Variants in SMYD5 observed in about 807,000 individuals in gnomAD.
SMYD5 encodes SMYD family member 5.
A neutral mutation model predicts 57.4 loss-of-function variants in SMYD5; 35 were observed. The ratio of observed to expected loss-of-function variants is 0.61; its 90% CI spans 0.47 to 0.81. The LOEUF (loss-of-function observed/expected upper bound fraction) is 0.81, where lower values mean the gene tolerates loss of function less well. Among genes scored for constraint, SMYD5 ranks in the 30% least tolerant of loss-of-function variants. The pLI is 0.00. For missense variants in SMYD5, 471 were observed against 527.9 expected (o/e 0.89, Z 1.06); for synonymous variants, 198 against 189.7 (o/e 1.04, Z -0.36).
chr2:73,216,494 C>G (rs188214310), intron 1 of SMYD5, among the ~76,000 whole-genome samples: 2 of 151,852 alleles, frequency 1.3e-5, no homozygotes, highest in African/African-American at 4.8e-5. Context: ...GTCAGGAGTT[C>G]GAGACCAGCC....
At chr2:73,223,646 C>T (rs1686447391) in intron 9 of SMYD5, 114 bp downstream of exon 9, 3 of 780,476 alleles carry the variant, frequency 3.8e-6, no homozygotes, top group African/African-American at 3.4e-5. Context: ...AAGGTAATCC[C>T]TTTGTGCCTG....
chr2:73,226,147 G>A lies in SMYD5; in HGVS notation c.*201G>A. On this transcript the variant is annotated 3_prime_UTR_variant, in exon 13 of 13. Transcript: ENST00000389501. ...CTCATGCCCTGGACACTGCTGCTGA[G>A]TTGGCTCAGACTCTGCACTGGCACT... 1.4e-6 allele frequency: 1 copy of A among 696,808 alleles called. No individual in the cohort carries two copies. The highest frequency in any genetic ancestry group is 2.3e-6 in the Non-Finnish European group (1 of 429,702). The allele number at this position is 696,808 out of a possible 1,614,324, so 43.2% of individuals were successfully genotyped here.
Position 73,223,499 on chromosome 2 carries a change from T to G in SMYD5, c.850T>G (p.Phe284Val). 1.9e-6 allele frequency: 3 copies of G among 1,613,976 alleles called. No homozygotes were observed. The highest frequency in any genetic ancestry group is 3.3e-4 in the Middle Eastern group (2 of 6,062). Residue 284 changes from phenylalanine (F) to valine (V), a missense_variant, in exon 9 of 13, where the codon TTC becomes GTC. Phe to Val is a conservative substitution (Grantham distance 50). Coordinates refer to ENST00000389501, the MANE Select transcript of SMYD5 (RefSeq NM_006062.3). ...KPQDREQLDAFIDQLYKDIEA... is the reference protein window; with the variant it reads ...KPQDREQLDAVIDQLYKDIEA... ...TCAGGACCGTGAGCAGCTTGACGCC[T>G]TCATTGACCAGCTATACAAGGACAT...
chr2:73,214,333 G>T lies in SMYD5; in HGVS notation c.67G>T (p.Val23Leu), dbSNP rs568134234. ...VGVAGRARVSVEVRFVSSAKG... is the reference protein window; with the variant it reads ...VGVAGRARVSLEVRFVSSAKG... ...CGTGGCGGGCCGCGCGCGGGTCTCC[G>T]TGGAAGTCCGTTTCGTGAGCAGCGC... Residue 23 changes from valine (V) to leucine (L), a missense_variant, in exon 1 of 13, where the codon GTG (valine) becomes TTG (leucine). Physicochemically the swap from Val to Leu is conservative, Grantham distance 32. Coordinates refer to ENST00000389501, the MANE Select transcript of SMYD5 (RefSeq NM_006062.3). The T allele has an allele frequency of 6.2e-7, 1 of 1,613,498 alleles. No individual in the cohort carries two copies. The highest frequency in any genetic ancestry group is 1.3e-5 in the African/African-American group (1 of 75,002).
At chr2:73,221,520 T>C (rs1309383369) in intron 5 of SMYD5, among the ~76,000 whole-genome samples, 1 of 150,740 alleles carries the variant, frequency 6.6e-6, no homozygotes, top group Non-Finnish European at 1.5e-5. Context: ...GCAGTAGCAA[T>C]TCATGCATTT....
intron 6 of SMYD5, among the ~76,000 whole-genome samples, chr2:73,222,405 G>A (rs533100774): frequency 1.3e-5 from 2 of 152,312 alleles, no homozygotes; most frequent in South Asian, 4.1e-4. Context: ...GGGCCCTCTT[G>A]CACTGAACTT....
chr2:73,221,768 G>A (rs1434059767), intron 5 of SMYD5, 58 bp from the exon 6 acceptor site: 24 of 1,180,628 alleles, frequency 2.0e-5, no homozygotes, highest in South Asian at 4.9e-5. Flanking sequence ...CCAAGTGGGC[G>A]GGAGTGCCAG....
intron 10 of SMYD5, among the ~76,000 whole-genome samples, chr2:73,224,654 C>T (rs1266268352): frequency 2.0e-5 from 3 of 152,096 alleles, no homozygotes; most frequent in Non-Finnish European, 2.9e-5. Context: ...CCAGTCACAG[C>T]GAGTTGGAGT....
In SMYD5 at chr2:73,220,714, G is replaced by A. The variant is rs779146983; in HGVS notation, c.399G>A (p.Gln133=). Residue 133 remains glutamine (Q), a synonymous_variant, in exon 4 of 13, where the codon CAG becomes CAA. Coordinates refer to ENST00000389501, the MANE Select transcript of SMYD5 (RefSeq NM_006062.3). ...TGGCAGCCACTGAGCAATACCACCA[G>A]GTCCTGTGCCCAGGCCCCTCCCAGG... ...CRLAATEQYH[Q]VLCPGPSQDD... The A allele has an allele frequency of 1.4e-5, 22 of 1,614,036 alleles. No homozygotes were observed. The Middle Eastern group carries it at 6.6e-4, about 48-fold the overall frequency.
At chr2:73,225,529 C>T (rs1026921770) in intron 11 of SMYD5, 102 bp from the exon 12 acceptor site, 10 of 1,103,810 alleles carry the variant, frequency 9.1e-6, no homozygotes, top group African/African-American at 3.1e-5. Flanking sequence ...AAACTTGGCT[C>T]CTAGAGATGG....
intron 1 of SMYD5, among the ~76,000 whole-genome samples, chr2:73,217,414 C>T (rs1686310642): frequency 6.6e-6 from 1 of 152,098 alleles, no homozygotes; most frequent in African/African-American, 2.4e-5. Context: ...TATATTTGTC[C>T]AATATTGAAA....
At chr2:73,222,075 T>G in intron 6 of SMYD5, 145 bp downstream of exon 6, 1 of 618,462 alleles carries the variant, frequency 1.6e-6, no homozygotes. Flanking sequence ...TCAGAGGAGT[T>G]ACATTCCTGC....
At chr2:73,217,361 G>A (rs926382137) in intron 1 of SMYD5, among the ~76,000 whole-genome samples, 42 of 152,250 alleles carry the variant, frequency 2.8e-4, no homozygotes, top group South Asian at 2.1e-3. Context: ...TTTTGATTAC[G>A]AAATATTTTC....
Position 73,226,069 on chromosome 2 carries a change from T to TAGCAGAGAGGG in SMYD5, c.*123_*124insAGCAGAGAGGG. 1.5e-6 allele frequency: 2 copies of TAGCAGAGAGGG among 1,332,322 alleles called. No individual in the cohort carries two copies. Among genetic ancestry groups the TAGCAGAGAGGG allele is most frequent in the Non-Finnish European group, 2.0e-6 (2 of 993,394 alleles). 82.5% of individuals were successfully genotyped at this position (1,332,322 alleles called of 1,614,324 possible). ...GCCTGCTTTCCCCATTCCAGCCCTC[T>TAGCAGAGAGGG]CTGCTAGAGGGTAGGAGAGAGCCTG... On this transcript the variant is annotated 3_prime_UTR_variant, in exon 13 of 13. Transcript: ENST00000389501.
chr2:73,215,730 GCTT>G (rs1686283369), intron 1 of SMYD5, among the ~76,000 whole-genome samples: 2 of 151,950 alleles, frequency 1.3e-5, no homozygotes, highest in Non-Finnish European at 2.9e-5. Flanking sequence ...CCTGTCCCAG[GCTT>G]CTATCAAGGC....
chr2:73,221,248 A>G lies in SMYD5; in HGVS notation c.537+14A>G, dbSNP rs754787541. 11 of 1,607,616 alleles carry G rather than the reference A, an allele frequency of 6.8e-6. No homozygotes were observed. The highest frequency in any genetic ancestry group is 1.7e-4 in the Middle Eastern group (1 of 6,040). ...ACAGTGAAGCAGGTGAGCCCACCCAACCCTCTCGGGGAAGCTGACTTTGGC... is the reference window on the plus strand; with the variant it reads ...ACAGTGAAGCAGGTGAGCCCACCCAGCCCTCTCGGGGAAGCTGACTTTGGC... On this transcript the variant is annotated intron_variant, in intron 5 of 12. Coordinates refer to ENST00000389501, the MANE Select transcript of SMYD5 (RefSeq NM_006062.3).
intron 11 of SMYD5, 101 bp downstream of exon 11, chr2:73,225,061 G>T: frequency 1.2e-6 from 1 of 819,366 alleles, no homozygotes; most frequent in Non-Finnish European, 2.0e-6. Flanking sequence ...TGAAGTTCAG[G>T]CTGTTGGGTG....
chr2:73,223,349 T>A, intron 8 of SMYD5, 77 bp from the exon 9 acceptor site: 1 of 1,046,996 alleles, frequency 9.6e-7, no homozygotes, highest in Non-Finnish European at 1.5e-6. Context: ...CTTCCTGGGC[T>A]TAACTTACCT....
chr2:73,223,924 G>A, intron 9 of SMYD5, 23 bp from the exon 10 acceptor site: 1 of 1,609,756 alleles, frequency 6.2e-7, no homozygotes, highest in Non-Finnish European at 8.5e-7. Context: ...GTAGAATAAT[G>A]TGTGTGTATT....
Sources: allele counts gnomAD v4.1 joint callset (sites outside exome capture counted in the v4.1 genomes callset), GRCh38; gene constraint gnomAD v4.1.1; transcripts MANE v1.5; gene names NCBI Gene and HGNC (gene_info 2026-07-23, HGNC 2026-07-21).